The following FAM107B variants were observed in gnomAD, a reference collection of about 807,000 sequenced individuals.
FAM107B encodes protein FAM107B.
FAM107B carries 21 observed loss-of-function variants against 31.5 expected under a neutral mutation model. The ratio of observed to expected loss-of-function variants is 0.67; its 90% confidence interval spans 0.47 to 0.96. FAM107B has a LOEUF of 0.96. Ranked by LOEUF, FAM107B falls within the 40% of genes least tolerant of loss-of-function variation. The pLI, the probability that FAM107B is intolerant of heterozygous loss-of-function variation, is 0.00. For missense variants in FAM107B, 452 were observed against 377.1 expected (o/e 1.20, Z -1.64); for synonymous variants, 157 against 141.5 (o/e 1.11, Z -0.78).
intron 2 of FAM107B, among the ~76,000 whole-genome samples, chr10:14,625,574 G>C (rs1376311816): frequency 1.3e-5 from 2 of 152,216 alleles, no homozygotes; most frequent in South Asian, 4.1e-4. Flanking sequence ...GCTGTGACAT[G>C]GTGTGCCAAA....
chr10:14,571,918 C>T, intron 2 of FAM107B: 1 of 985,442 alleles, frequency 1.0e-6, no homozygotes, highest in Non-Finnish European at 1.2e-6. Context: ...ACTGACCTAA[C>T]CTCACCTCAG....
intron 1 of FAM107B, among the ~76,000 whole-genome samples, chr10:14,772,283 G>A (rs2131602224): frequency 6.6e-6 from 1 of 152,082 alleles, no homozygotes; most frequent in Middle Eastern, 3.4e-3. Context: ...GAACCTGGGA[G>A]GCAGAGGCTG....
At chr10:14,724,778 G>T (rs1334586911) in intron 1 of FAM107B, among the ~76,000 whole-genome samples, 3 of 151,990 alleles carry the variant, frequency 2.0e-5, no homozygotes, top group African/African-American at 7.2e-5. Context: ...GGAAACGACA[G>T]AAGCTCATCC....
chr10:14,649,931 C>T (rs1179090408), intron 2 of FAM107B, among the ~76,000 whole-genome samples: 2 of 152,194 alleles, frequency 1.3e-5, no homozygotes, highest in Non-Finnish European at 2.9e-5. Context: ...TATTGCTGCT[C>T]TTCAGTCATC....
At position 14,774,506 on chromosome 10, in the gene FAM107B, C is replaced by T. The variant is rs1238674134; in HGVS notation, c.158G>A (p.Arg53His). 42 of 1,614,032 alleles carry T rather than the reference C, an allele frequency of 2.6e-5. No individual in the cohort carries two copies. Among genetic ancestry groups the T allele is most frequent in the Non-Finnish European group, 3.3e-5 (39 of 1,180,040 alleles). The change falls in exon 1 of 5, where the codon CGT becomes CAT. Residue 53 changes from arginine to histidine, a missense_variant. Physicochemically the swap from Arg to His is conservative, Grantham distance 29 (BLOSUM62 0). Coordinates refer to ENST00000181796, the MANE Select transcript of FAM107B (RefSeq NM_031453.4). ...GCCTGCTTTGGCCACAGGCTGCACA[C>T]GGACGGTGGAATGAGTATCAGCCAC... Reference protein sequence around the residue: ...SGVADTHSTVRVQPVAKAGRQ... With the variant: ...SGVADTHSTVHVQPVAKAGRQ...
intron 2 of FAM107B, among the ~76,000 whole-genome samples, chr10:14,583,686 T>C (rs1019181565): frequency 1.3e-5 from 2 of 151,862 alleles, no homozygotes; most frequent in Non-Finnish European, 2.9e-5. Flanking sequence ...GGGCACGTCC[T>C]TGCCAACACC....
At chr10:14,645,642 G>A (rs1037661407) in intron 2 of FAM107B, among the ~76,000 whole-genome samples, 3 of 152,202 alleles carry the variant, frequency 2.0e-5, no homozygotes, top group Non-Finnish European at 1.5e-5. Flanking sequence ...CTACTGAGAC[G>A]TATTTTTCTT....
chr10:14,545,929 T>A (rs1057402885), intron 2 of FAM107B, among the ~76,000 whole-genome samples: 4 of 152,228 alleles, frequency 2.6e-5, no homozygotes, highest in Non-Finnish European at 4.4e-5. Flanking sequence ...TTCGGCCTAA[T>A]CATTCCTGAG....
At chr10:14,717,865 C>G (rs999118451) in intron 1 of FAM107B, among the ~76,000 whole-genome samples, 1 of 152,158 alleles carries the variant, frequency 6.6e-6, no homozygotes, top group African/African-American at 2.4e-5. Context: ...AAACAGACAG[C>G]TGAACAACTG....
At chr10:14,566,007 G>A (rs962233509) in intron 2 of FAM107B, among the ~76,000 whole-genome samples, 3 of 152,200 alleles carry the variant, frequency 2.0e-5, no homozygotes, top group Non-Finnish European at 2.9e-5. Flanking sequence ...CATGGGCATG[G>A]GACCTTCACA....
chr10:14,694,018 G>A (rs905910278), intron 1 of FAM107B, among the ~76,000 whole-genome samples: 7 of 152,008 alleles, frequency 4.6e-5, no homozygotes, highest in Non-Finnish European at 7.4e-5. Flanking sequence ...ATTGCTCTCC[G>A]GGTTCATCTG....
At chr10:14,627,711 T>C (rs1302272412) in intron 2 of FAM107B, among the ~76,000 whole-genome samples, 1 of 152,044 alleles carries the variant, frequency 6.6e-6, no homozygotes, top group Non-Finnish European at 1.5e-5. Context: ...AGTTCAAGGC[T>C]GCAGTGAGCG....
At chr10:14,676,546 C>T (rs981739488) in intron 1 of FAM107B, among the ~76,000 whole-genome samples, 2 of 152,202 alleles carry the variant, frequency 1.3e-5, no homozygotes, top group Admixed American at 6.5e-5. Flanking sequence ...ATACATCCCA[C>T]AATAAAAATT....
At chr10:14,610,267 C>T (rs865938176) in intron 2 of FAM107B, among the ~76,000 whole-genome samples, 2 of 151,812 alleles carry the variant, frequency 1.3e-5, no homozygotes, top group Non-Finnish European at 1.5e-5. Context: ...GGCATCAACC[C>T]GGGAGGCAGA....
chr10:14,710,626 C>T (rs1855624062), intron 1 of FAM107B, among the ~76,000 whole-genome samples: 1 of 152,096 alleles, frequency 6.6e-6, no homozygotes, highest in Non-Finnish European at 1.5e-5. Flanking sequence ...ATTCCTATTG[C>T]CTGGTGACAT....
chr10:14,666,582 T>C (rs1588693742), intron 2 of FAM107B, among the ~76,000 whole-genome samples: 1 of 151,240 alleles, frequency 6.6e-6, no homozygotes, highest in South Asian at 2.1e-4. Context: ...GAAAAAAAAA[T>C]GTGTAATGGG....
chr10:14,548,336 G>A (rs964351092), intron 2 of FAM107B: 19 of 824,676 alleles, frequency 2.3e-5, no homozygotes, highest in Non-Finnish European at 2.6e-5. Context: ...GGAGGCCTCA[G>A]GGACCAGATG....
At chr10:14,680,755 C>T (rs1854814645) in intron 1 of FAM107B, among the ~76,000 whole-genome samples, 2 of 152,122 alleles carry the variant, frequency 1.3e-5, no homozygotes, top group Admixed American at 1.3e-4. Flanking sequence ...GGTGTCACTC[C>T]TGTTTTAGCA....
chr10:14,709,713 A>C (rs1410978753), intron 1 of FAM107B, among the ~76,000 whole-genome samples: 2 of 152,222 alleles, frequency 1.3e-5, no homozygotes, highest in Non-Finnish European at 2.9e-5. Context: ...ACTGTGGTAC[A>C]TCCAGACAAT....
Sources: allele counts gnomAD v4.1 joint callset (sites outside exome capture counted in the v4.1 genomes callset), GRCh38; gene constraint gnomAD v4.1.1; transcripts MANE v1.5; gene names NCBI Gene and HGNC (gene_info 2026-07-23, HGNC 2026-07-21).